The following KMT2A variants were observed in gnomAD, a reference collection of about 807,000 sequenced individuals.
KMT2A encodes the protein histone-lysine N-methyltransferase 2A.
A neutral mutation model predicts 345.3 loss-of-function variants in KMT2A; 16 were observed. The ratio of observed to expected loss-of-function variants is 0.05; its 90% CI spans 0.03 to 0.07. The LOEUF is 0.07. Among genes scored for constraint, KMT2A ranks in the 10% least tolerant of loss-of-function variants. KMT2A has a pLI of 1.00. For missense variants in KMT2A, 3,272 were observed against 4,841.6 expected, an observed-to-expected ratio of 0.68 and a Z score of 9.62; for synonymous variants, 1,599 against 1,778.6, an observed-to-expected ratio of 0.90 and a Z score of 2.54.
Position 118,502,731 on chromosome 11 carries a change from A to T in KMT2A, c.6839A>T (p.Asn2280Ile). The T allele has an allele frequency of 6.2e-7, 1 of 1,614,154 alleles. No homozygotes were observed. The highest frequency in any genetic ancestry group is 1.3e-5 in the African/African-American group (1 of 75,046). The change falls in exon 27 of 36, where the codon AAC becomes ATC. Residue 2280 changes from asparagine (N) to isoleucine (I), a missense_variant. Physicochemically the swap from Asn to Ile is moderately radical, Grantham distance 149 (BLOSUM62 -3). Around this residue, in one of 27 missense-constraint regions of KMT2A, gnomAD observed 445 missense variants for 500.9 expected, o/e 0.89. Coordinates refer to ENST00000534358, the MANE Select transcript of KMT2A (RefSeq NM_001197104.2). The surrounding 1 kb of genome is among the most constrained non-coding windows in gnomAD (Gnocchi z 4.9). ...QRTVVTVGNK[N>I]SHLDGSSSSE... ...ACAGTGGTTACTGTAGGCAATAAAA[A>T]CAGTCACTTGGATGGATCTTCATCT...
In KMT2A at chr11:118,471,734, A is replaced by G; in HGVS notation, c.575A>G (p.Asp192Gly). 1 of 1,612,100 alleles carries G rather than the reference A, an allele frequency of 6.2e-7. No homozygotes were observed. Among genetic ancestry groups the G allele is most frequent in the Non-Finnish European group, 8.5e-7 (1 of 1,179,530 alleles). ...GACCGAAATTCAGCTATCCTCTCAGATCCATCTGTGTTTTCCCCTCTAAAT... is the reference window on the plus strand; with the variant it reads ...GACCGAAATTCAGCTATCCTCTCAGGTCCATCTGTGTTTTCCCCTCTAAAT... ...GSDRNSAILS[D>G]PSVFSPLNKS... The change falls in exon 3 of 36, where the codon GAT becomes GGT. Residue 192 changes from aspartate to glycine, a missense_variant. Asp to Gly is a moderately conservative substitution (Grantham distance 94). Transcript: ENST00000534358.
rs781788897 is a variant in KMT2A at position 118,476,378 on chromosome 11, G to GTTGT, written c.3157-416_3157-413dup. On this transcript the variant is annotated intron_variant, in intron 3 of 35. Coordinates refer to ENST00000534358, the MANE Select transcript of KMT2A (RefSeq NM_001197104.2). This position sits in a 1 kb window ranked among gnomAD's most constrained non-coding sequence, Gnocchi z 4.1. Reference sequence around the variant, plus strand: ...TAGTATAATTGGGAATAGAAGCTTAGTTGTTTGTTTGTTTTTAAGATAGGG... The same window carrying GTTGT: ...TAGTATAATTGGGAATAGAAGCTTAGTTGTTTGTTTGTTTGTTTTTAAGATAGGG... 3.3e-5 allele frequency among the ~76,000 whole-genome samples: 5 copies of GTTGT among 152,130 alleles called. No individual in the cohort carries two copies. The highest frequency in any genetic ancestry group is 2.6e-4 in the Admixed American group (4 of 15,268).
chr11:118,471,262 A>G (rs1949937495), intron 2 of KMT2A, among the ~76,000 whole-genome samples: 1 of 152,204 alleles, frequency 6.6e-6, no homozygotes, highest in South Asian at 2.1e-4. Context: ...GACTAACTAG[A>G]AGCATATTCT....
rs2134387595 is a variant in KMT2A at position 118,502,903 on chromosome 11, G to A, written c.7011G>A (p.Gln2337=). The change falls in exon 27 of 36, where the codon CAG becomes CAA. Residue 2337 remains glutamine (Q), a synonymous_variant. Coordinates refer to ENST00000534358, the MANE Select transcript of KMT2A (RefSeq NM_001197104.2). The surrounding 1 kb of genome is among the most constrained non-coding windows in gnomAD (Gnocchi z 4.9). ...AYPGIPKLAP[Q]VHNTTSRELN... Reference sequence around the variant, plus strand: ...CTGGAATTCCTAAACTGGCCCCACAGGTTCATAACACAACATCTAGAGAAC... The same window carrying A: ...CTGGAATTCCTAAACTGGCCCCACAAGTTCATAACACAACATCTAGAGAAC... 6.2e-7 allele frequency: 1 copy of A among 1,614,124 alleles called. No individual in the cohort carries two copies. Among genetic ancestry groups the A allele is most frequent in the Non-Finnish European group, 8.5e-7 (1 of 1,180,028 alleles).
chr11:118,486,642 G>A lies in KMT2A; in HGVS notation c.4332+1667G>A, dbSNP rs181617468. Among the ~76,000 whole-genome samples, 274 of 152,194 alleles carry A rather than the reference G, an allele frequency of 1.8e-3. 1 individual carries two copies. The highest frequency in any genetic ancestry group is 2.9e-3 in the Non-Finnish European group (196 of 68,000). ...AATCCCAGTACTTTGGGAGGCTGACGCAGGAGGACCGCTTGAGCTCAGGAG... is the reference window on the plus strand; with the variant it reads ...AATCCCAGTACTTTGGGAGGCTGACACAGGAGGACCGCTTGAGCTCAGGAG... On this transcript the variant is annotated intron_variant, in intron 10 of 35. Transcript: ENST00000534358.
Position 118,510,184 on chromosome 11 carries a change from G to A in KMT2A, c.11071+66G>A. The A allele has an allele frequency of 7.4e-7, 1 of 1,349,044 alleles. No homozygotes were observed. The highest frequency in any genetic ancestry group is 1.0e-6 in the Non-Finnish European group (1 of 975,552). 83.6% of individuals were successfully genotyped at this position (1,349,044 alleles called of 1,614,324 possible). A position where few individuals can be genotyped will look rare whatever the true frequency, so the allele number is the denominator to read the frequency against. The stretch of plus-strand genomic sequence containing the variant: ...TGTTTCAGCTAGAGCTTCATTTTCT[G>A]AGTATTAGCACCATTTAGGTGGCTG... On this transcript the variant is annotated intron_variant, in intron 30 of 35. Transcript: ENST00000534358. The surrounding 1 kb of genome is among the most constrained non-coding windows in gnomAD (Gnocchi z 4.1).
rs141579106 is a variant in KMT2A at position 118,505,978 on chromosome 11, A to T, written c.10086A>T (p.Pro3362=). 17 of 1,614,098 alleles carry T rather than the reference A, an allele frequency of 1.1e-5. No homozygotes were observed. The African/African-American group carries it at 2.3e-4, about 22-fold the overall frequency. Residue 3362 remains proline, a synonymous_variant, in exon 27 of 36, where the codon CCA becomes CCT. Transcript: ENST00000534358. This position sits in a 1 kb window ranked among gnomAD's most constrained non-coding sequence, Gnocchi z 4.6. ...TTTPTSSASV[P]GHVTLTNPRL... ...CCCCTACAAGTAGTGCGTCAGTTCC[A>T]GGACACGTCACCTTAACCAACCCAA...
chr11:118,462,292 C>T (rs1207969557), intron 1 of KMT2A, among the ~76,000 whole-genome samples: 1 of 152,062 alleles, frequency 6.6e-6, no homozygotes, highest in Non-Finnish European at 1.5e-5. Context: ...AGTGCTTTCT[C>T]AACTTGGCTT....
rs1462683369 is a variant in KMT2A, at chr11:118,523,831, T to A, written c.*1659T>A. ...TTTGTGCCCTGTTGACATAAATGTT[T>A]CCTGGGTTTGCTCTTTGACAATAAA... On this transcript the variant is annotated 3_prime_UTR_variant, in exon 36 of 36. Transcript: ENST00000534358. 1 of 208,562 alleles carries A rather than the reference T, an allele frequency of 4.8e-6. No individual in the cohort carries two copies. Among genetic ancestry groups the A allele is most frequent in the Non-Finnish European group, 9.8e-6 (1 of 102,534 alleles). 12.9% of individuals were successfully genotyped at this position (208,562 alleles called of 1,614,324 possible). A position where few individuals can be genotyped will look rare whatever the true frequency, so the allele number is the denominator to read the frequency against.
intron 1 of KMT2A, among the ~76,000 whole-genome samples, chr11:118,444,131 A>G (rs1949368952): frequency 6.6e-6 from 1 of 152,150 alleles, no homozygotes; most frequent in Admixed American, 6.6e-5. Context: ...TTTTTTCTTT[A>G]GGCTGTCCTT....
Position 118,498,140 on chromosome 11 carries a change from G to T in KMT2A, c.5802+67G>T, listed in dbSNP as rs9332828. The stretch of plus-strand genomic sequence containing the variant: ...CAGTTTCCAGATATTCTTCCTGTGG[G>T]TGAATATGGCCTCCCTGATATTTTT... On this transcript the variant is annotated intron_variant, in intron 21 of 35. Transcript: ENST00000534358. The surrounding 1 kb of genome is among the most constrained non-coding windows in gnomAD (Gnocchi z 4.4). The T allele has an allele frequency of 1.8e-5, 28 of 1,525,838 alleles. No individual in the cohort carries two copies. In the East Asian group the frequency reaches 5.6e-4, roughly 31 times the overall value. The allele number at this position is 1,525,838 out of a possible 1,614,324, so 94.5% of individuals were successfully genotyped here.
Position 118,465,919 on chromosome 11 carries a change from T to G in KMT2A, c.433-2856T>G, listed in dbSNP as rs189263095. Among the ~76,000 whole-genome samples, 452 of 152,326 alleles carry G rather than the reference T, an allele frequency of 3.0e-3. 2 individuals are homozygous for G. The highest frequency in any genetic ancestry group is 0.01 in the Middle Eastern group (3 of 294). ...GGAGTTTTGGCTGTTTTTGTTTTGT[T>G]TTGTTTTTTTGGTAACATTGTAGCC... On this transcript the variant is annotated intron_variant, in intron 1 of 35. Transcript: ENST00000534358.
intron 1 of KMT2A, among the ~76,000 whole-genome samples, chr11:118,459,216 T>C (rs1300146344): frequency 1.3e-5 from 2 of 152,092 alleles, no homozygotes; most frequent in Non-Finnish European, 2.9e-5. Context: ...ATTAAAGGCA[T>C]GTACCACTAT....
At chr11:118,518,904 C>T (rs544907816) in intron 31 of KMT2A, among the ~76,000 whole-genome samples, 13 of 149,836 alleles carry the variant, frequency 8.7e-5, no homozygotes, top group East Asian at 5.9e-4. Context: ...GGTGAAACTC[C>T]GTCTCTACTA....
At position 118,473,097 on chromosome 11, in the gene KMT2A, A is replaced by G. The variant is rs782137297; in HGVS notation, c.1938A>G (p.Pro646=). The G allele has an allele frequency of 3.1e-6, 5 of 1,614,202 alleles. No homozygotes were observed. The Admixed American group carries it at 8.3e-5, about 27-fold the overall frequency. The part of the protein sequence containing the change: ...KYAKEGLIRK[P]IFDNFRPPPL... ...CCAAAGAAGGTCTTATTCGCAAACC[A>G]ATATTTGATAATTTCCGACCCCCTC... is the stretch of plus-strand genomic sequence containing the variant. Residue 646 remains proline (P), a synonymous_variant, in exon 3 of 36, where the codon CCA becomes CCG. Transcript: ENST00000534358. This position sits in a 1 kb window ranked among gnomAD's most constrained non-coding sequence, Gnocchi z 5.2.
chr11:118,514,116 CAG>C (rs1336890362), intron 31 of KMT2A, among the ~76,000 whole-genome samples: 2 of 152,130 alleles, frequency 1.3e-5, no homozygotes, highest in African/African-American at 4.8e-5. Context: ...CTTGTACCCT[CAG>C]AGTCTCCAGA....
chr11:118,472,308 T>G lies in KMT2A; in HGVS notation c.1149T>G (p.Ala383=). ...KQLLQRAKKG[A]QKKIEKEAAQ... ...TCTTACAGAGGGCAAAAAAGGGGGC[T>G]CAAAAGAAAATTGAAAAAGAAGCAG... Residue 383 remains alanine, a synonymous_variant, in exon 3 of 36, where the codon GCT becomes GCG. Transcript: ENST00000534358. The G allele has an allele frequency of 6.2e-7, 1 of 1,613,936 alleles. No homozygotes were observed. The highest frequency in any genetic ancestry group is 8.5e-7 in the Non-Finnish European group (1 of 1,180,022).
In KMT2A at chr11:118,494,887, C is replaced by T; in HGVS notation, c.5363+120C>T. On this transcript the variant is annotated intron_variant, in intron 18 of 35. Coordinates refer to ENST00000534358, the MANE Select transcript of KMT2A (RefSeq NM_001197104.2). This position sits in a 1 kb window ranked among gnomAD's most constrained non-coding sequence, Gnocchi z 5.8. ...TACTAGAAATGAATTGGTTGAAATG[C>T]CTTTTCGGTGTGGTTTTGAGGACTA... 1 of 751,940 alleles carries T rather than the reference C, an allele frequency of 1.3e-6. No homozygotes were observed. Among genetic ancestry groups the T allele is most frequent in the Non-Finnish European group, 2.3e-6 (1 of 443,886 alleles). 46.6% of individuals were successfully genotyped at this position (751,940 alleles called of 1,614,324 possible). A position where few individuals can be genotyped will look rare whatever the true frequency, so the allele number is the denominator to read the frequency against.
chr11:118,482,030 A>G lies in KMT2A; in HGVS notation c.3950A>G (p.Lys1317Arg), dbSNP rs782604487. 3.1e-6 allele frequency: 5 copies of G among 1,614,024 alleles called. No individual in the cohort carries two copies. The African/African-American group carries it at 5.3e-5, about 17-fold the overall frequency. ...CCACCTACTACAGGACCGCCAAGAA[A>G]AGAAGTTCCCAAAACCACTCCTAGT... ...PQPPTTGPPR[K>R]EVPKTTPSEP... Residue 1317 changes from lysine (K) to arginine (R), a missense_variant, in exon 7 of 36, where the codon AAA becomes AGA. Coordinates refer to ENST00000534358, the MANE Select transcript of KMT2A (RefSeq NM_001197104.2).
Sources: allele counts gnomAD v4.1 joint callset (sites outside exome capture counted in the v4.1 genomes callset), GRCh38; gene constraint gnomAD v4.1.1; regional missense constraint gnomAD v4.1.1; non-coding constraint Gnocchi (gnomAD v3.1); transcripts MANE v1.5; gene names NCBI Gene and HGNC (gene_info 2026-07-23, HGNC 2026-07-21).